Variants in KDM4C observed in about 807,000 individuals in gnomAD.
KDM4C encodes the protein lysine-specific demethylase 4C.
In KDM4C, 81 loss-of-function variants were observed where a neutral mutation model predicts 129.3. The observed-to-expected ratio is 0.63, with a 90% confidence interval of 0.52 to 0.75. The LOEUF (loss-of-function observed/expected upper bound fraction) is 0.75, where lower values mean the gene tolerates loss of function less well. Ranked by LOEUF, KDM4C falls within the 30% of genes least tolerant of loss-of-function variation. KDM4C has a pLI of 0.00. For synonymous variants in KDM4C, 573 were observed against 456.1 expected (o/e 1.26, Z -3.26); for missense variants, 1,457 against 1,304.0 (o/e 1.12, Z -1.81).
In KDM4C at chr9:7,015,939, T is replaced by A; in HGVS notation, c.2259+10T>A. 1 of 1,598,812 alleles carries A rather than the reference T, an allele frequency of 6.3e-7. No individual in the cohort carries two copies. Among genetic ancestry groups the A allele is most frequent in the Non-Finnish European group, 8.6e-7 (1 of 1,166,744 alleles). On this transcript the variant is annotated intron_variant, in intron 15 of 21. Transcript: ENST00000381309. ...AAATGCGTGGACAGCAGTAAGTAGC[T>A]TATTTTAGTATTGCTTAACCTTTCT...
At chr9:7,098,842 CAT>C (rs1208812025) in intron 17 of KDM4C, among the ~76,000 whole-genome samples, 1 of 152,216 alleles carries the variant, frequency 6.6e-6, no homozygotes, top group African/African-American at 2.4e-5. Flanking sequence ...AGTATTGACA[CAT>C]GAGTGATTGA....
intron 4 of KDM4C, among the ~76,000 whole-genome samples, chr9:6,820,596 G>C (rs963311020): frequency 1.3e-5 from 2 of 152,088 alleles, no homozygotes; most frequent in Non-Finnish European, 1.5e-5. Context: ...CTGGGATATA[G>C]CATAGGAATT....
At chr9:7,060,475 A>ATTT (rs1831482753) in intron 17 of KDM4C, among the ~76,000 whole-genome samples, 1 of 143,324 alleles carries the variant, frequency 7.0e-6, no homozygotes, top group Non-Finnish European at 1.5e-5. Flanking sequence ...TATTATTATT[A>ATTT]TTATTATTAT....
intron 8 of KDM4C, among the ~76,000 whole-genome samples, chr9:6,897,379 G>T (rs374218472): frequency 2.6e-5 from 4 of 152,248 alleles, no homozygotes; most frequent in African/African-American, 9.6e-5. Context: ...GTCTTTGCTT[G>T]TGTTTTCCCT....
intron 2 of KDM4C, among the ~76,000 whole-genome samples, chr9:6,799,634 T>TTTCTTTTC (rs1461309013): frequency 1.4e-5 from 2 of 144,894 alleles, no homozygotes; most frequent in African/African-American, 2.7e-5. Context: ...AGGGCTCTTT[T>TTTCTTTTC]TTCTTTTCTT....
At chr9:6,991,568 G>C (rs1818752480) in intron 12 of KDM4C, among the ~76,000 whole-genome samples, 1 of 152,140 alleles carries the variant, frequency 6.6e-6, no homozygotes, top group African/African-American at 2.4e-5. Flanking sequence ...GTATTCTCCA[G>C]TTTTACTTAT....
At chr9:6,903,922 C>G (rs1190778139) in intron 8 of KDM4C, among the ~76,000 whole-genome samples, 1 of 152,148 alleles carries the variant, frequency 6.6e-6, no homozygotes, top group South Asian at 2.1e-4. Context: ...TTTGCCATGT[C>G]TTTAATATAT....
Position 7,165,264 on chromosome 9 carries a change from A to C in KDM4C, c.2808A>C (p.Pro936=). The change falls in exon 20 of 22, where the codon CCA becomes CCC. Residue 936 remains proline (P), a synonymous_variant. Coordinates refer to ENST00000381309, the MANE Select transcript of KDM4C (RefSeq NM_015061.6). ...IVSRDCLKLG[P]PAEGEVVQVK... ...GCCGAGACTGTCTGAAGCTGGGCCC[A>C]CCTGCTGAGGGAGAAGTCGTCCAAG... 6.2e-7 allele frequency: 1 copy of C among 1,614,162 alleles called. No individual in the cohort carries two copies. Among genetic ancestry groups the C allele is most frequent in the Non-Finnish European group, 8.5e-7 (1 of 1,180,024 alleles).
intron 8 of KDM4C, among the ~76,000 whole-genome samples, chr9:6,923,269 G>T (rs539544593): frequency 2.0e-5 from 3 of 151,868 alleles, no homozygotes; most frequent in African/African-American, 7.3e-5. Flanking sequence ...TGCAAAGAAT[G>T]TTGCACTGTT....
chr9:7,119,928 A>T (rs1209957228), intron 18 of KDM4C, among the ~76,000 whole-genome samples: 1 of 152,144 alleles, frequency 6.6e-6, no homozygotes, highest in African/African-American at 2.4e-5. Context: ...TGTCTCTCTT[A>T]CTAGTATGTG....
intron 5 of KDM4C, among the ~76,000 whole-genome samples, chr9:6,852,330 C>T (rs369590638): frequency 3.9e-5 from 6 of 152,146 alleles, no homozygotes; most frequent in South Asian, 2.1e-4. Flanking sequence ...GTAATCAGGG[C>T]TGTAGTCTTT....
intron 12 of KDM4C, among the ~76,000 whole-genome samples, chr9:6,995,857 G>T (rs1275955820): frequency 6.6e-6 from 1 of 150,926 alleles, no homozygotes; most frequent in Non-Finnish European, 1.5e-5. Flanking sequence ...ATTTTTGGTA[G>T]AGATGGGGTT....
At chr9:6,832,040 T>C (rs547012656) in intron 4 of KDM4C, among the ~76,000 whole-genome samples, 1 of 152,308 alleles carries the variant, frequency 6.6e-6, no homozygotes, top group Non-Finnish European at 1.5e-5. Context: ...ATATACAGTT[T>C]AAATAGTTGA....
intron 17 of KDM4C, among the ~76,000 whole-genome samples, chr9:7,086,144 C>T (rs1466488215): frequency 6.6e-6 from 1 of 152,138 alleles, no homozygotes. Context: ...AGCGACAGAG[C>T]CAGACCCCGT....
chr9:6,950,528 C>T (rs932817931), intron 8 of KDM4C, among the ~76,000 whole-genome samples: 2 of 152,146 alleles, frequency 1.3e-5, no homozygotes, highest in African/African-American at 4.8e-5. Context: ...TGGATCCCTA[C>T]TAAATTCAAA....
chr9:6,764,628 C>CAGAT (rs1376386412), intron 1 of KDM4C, among the ~76,000 whole-genome samples: 1 of 152,150 alleles, frequency 6.6e-6, no homozygotes, highest in African/African-American at 2.4e-5. Flanking sequence ...GTATACTGTT[C>CAGAT]AGATACACAT....
chr9:7,080,725 C>T (rs141310537), intron 17 of KDM4C, among the ~76,000 whole-genome samples: 29 of 152,306 alleles, frequency 1.9e-4, no homozygotes, highest in African/African-American at 5.8e-4. Context: ...TAATTATATT[C>T]TGGAATTCTA....
chr9:7,041,725 C>T (rs780692855), intron 15 of KDM4C, among the ~76,000 whole-genome samples: 29 of 151,894 alleles, frequency 1.9e-4, no homozygotes, highest in Middle Eastern at 3.2e-3. Context: ...TTTATTGCAG[C>T]TTTAGTTTGA....
At chr9:7,143,138 G>A (rs1841917279) in intron 19 of KDM4C, among the ~76,000 whole-genome samples, 1 of 151,558 alleles carries the variant, frequency 6.6e-6, no homozygotes, top group Non-Finnish European at 1.5e-5. Context: ...CGCTTATACT[G>A]ACCCCACTTT....
Sources: gnomAD v4.1 joint callset for allele counts (sites outside exome capture counted in the v4.1 genomes callset) on GRCh38, gnomAD v4.1.1 for gene constraint, MANE v1.5 for transcripts, NCBI Gene and HGNC (gene_info 2026-07-23, HGNC 2026-07-21) for gene names.